Variants in MAPK8 observed in about 807,000 individuals in gnomAD.
MAPK8 encodes JUN N-terminal kinase.
MAPK8 carries 13 observed loss-of-function variants against 52.9 expected under a neutral mutation model. The observed-to-expected ratio is 0.25, with a 90% confidence interval of 0.16 to 0.39. The LOEUF is 0.39. MAPK8 is among the 10% of genes least tolerant of loss of function. MAPK8 has a pLI of 1.00. For missense variants in MAPK8, 300 were observed against 519.2 expected, an observed-to-expected ratio of 0.58 and a Z score of 4.10; for synonymous variants, 191 against 169.8, an observed-to-expected ratio of 1.12 and a Z score of -0.97.
intron 1 of MAPK8, among the ~76,000 whole-genome samples, chr10:48,376,787 A>G (rs778049050): frequency 2.0e-5 from 3 of 152,240 alleles, no homozygotes; most frequent in Non-Finnish European, 2.9e-5. Flanking sequence ...AATTAGTTCA[A>G]CCATTGTGGA....
chr10:48,369,352 G>C (rs1346725050), intron 1 of MAPK8, among the ~76,000 whole-genome samples: 4 of 152,168 alleles, frequency 2.6e-5, no homozygotes, highest in Non-Finnish European at 5.9e-5. Flanking sequence ...GATAGTGTTT[G>C]TGTTTCTGGC....
At chr10:48,410,459 T>C in intron 5 of MAPK8, 1 of 255,350 alleles carries the variant, frequency 3.9e-6, no homozygotes, top group Non-Finnish European at 7.4e-6. Flanking sequence ...GATTTCTCCA[T>C]GTTTACCGTG....
At chr10:48,392,292 A>G (rs1450001011) in intron 1 of MAPK8, among the ~76,000 whole-genome samples, 1 of 152,130 alleles carries the variant, frequency 6.6e-6, no homozygotes, top group Non-Finnish European at 1.5e-5. Flanking sequence ...TGAAAGGAGG[A>G]TGGGAAAATC....
intron 1 of MAPK8, among the ~76,000 whole-genome samples, chr10:48,336,361 G>A (rs1844687322): frequency 6.6e-6 from 1 of 152,066 alleles, no homozygotes; most frequent in African/African-American, 2.4e-5. Flanking sequence ...TATTTATTAA[G>A]GAAATTAAAT....
intron 1 of MAPK8, among the ~76,000 whole-genome samples, chr10:48,375,368 T>C (rs1474543591): frequency 1.3e-5 from 2 of 152,122 alleles, no homozygotes; most frequent in Non-Finnish European, 2.9e-5. Context: ...CTATTCAACA[T>C]AGTATTGGAA....
intron 1 of MAPK8, among the ~76,000 whole-genome samples, chr10:48,386,524 C>T (rs971913671): frequency 2.6e-5 from 4 of 151,976 alleles, no homozygotes; most frequent in Admixed American, 2.6e-4. Context: ...TTGAGCAAGC[C>T]CAGAAGCCAA....
intron 1 of MAPK8, among the ~76,000 whole-genome samples, chr10:48,390,065 C>A (rs1311663740): frequency 6.6e-6 from 1 of 152,106 alleles, no homozygotes; most frequent in African/African-American, 2.4e-5. Context: ...TAGTTTCAGT[C>A]CAAAGGCCAG....
intron 1 of MAPK8, among the ~76,000 whole-genome samples, chr10:48,349,792 C>G (rs1190677555): frequency 6.6e-6 from 1 of 152,052 alleles, no homozygotes; most frequent in African/African-American, 2.4e-5. Context: ...GAAGGAGATA[C>G]AGACACGGAA....
intron 1 of MAPK8, among the ~76,000 whole-genome samples, chr10:48,313,031 CT>C (rs1174322920): frequency 6.6e-6 from 1 of 152,038 alleles, no homozygotes; most frequent in Non-Finnish European, 1.5e-5. Flanking sequence ...AGAATGAAGG[CT>C]TTTTTTGCAG....
intron 1 of MAPK8, among the ~76,000 whole-genome samples, chr10:48,342,622 G>A (rs1337070232): frequency 6.6e-6 from 1 of 152,236 alleles, no homozygotes; most frequent in African/African-American, 2.4e-5. Flanking sequence ...ATGTAGTCGT[G>A]TGAATGGATT....
intron 1 of MAPK8, among the ~76,000 whole-genome samples, chr10:48,323,972 C>A (rs1843231989): frequency 6.6e-6 from 1 of 152,204 alleles, no homozygotes; most frequent in African/African-American, 2.4e-5. Context: ...TACAACTGAA[C>A]ATTTTGGTCA....
At chr10:48,421,928 A>G (rs2043381870) in intron 6 of MAPK8, among the ~76,000 whole-genome samples, 1 of 152,150 alleles carries the variant, frequency 6.6e-6, no homozygotes, top group African/African-American at 2.4e-5. Context: ...ATGCTTAATG[A>G]TTATAACTAC....
chr10:48,420,318 A>G lies in MAPK8; in HGVS notation c.614A>G (p.Asn205Ser). 6.3e-7 allele frequency: 1 copy of G among 1,596,250 alleles called. No homozygotes were observed. Among genetic ancestry groups the G allele is most frequent in the Non-Finnish European group, 8.6e-7 (1 of 1,169,462 alleles). Reference protein sequence around the residue: ...EVILGMGYKENVDLWSVGCIM... With the variant: ...EVILGMGYKESVDLWSVGCIM... ...ATCCTTGGCATGGGCTACAAGGAAA[A>G]CGGTCAGCACACACATTTATTTGAA... is the stretch of plus-strand genomic sequence containing the variant. The change falls in exon 6 of 12, where the codon AAC becomes AGC. Residue 205 changes from asparagine to serine, a missense_variant and splice_region_variant. By Grantham distance (46) the Asn-to-Ser change is conservative. Coordinates refer to ENST00000374189, the MANE Select transcript of MAPK8 (RefSeq NM_001323329.2).
intron 1 of MAPK8, among the ~76,000 whole-genome samples, chr10:48,313,098 G>A (rs1268664572): frequency 2.0e-5 from 3 of 152,138 alleles, no homozygotes; most frequent in African/African-American, 7.2e-5. Flanking sequence ...CTAGTAAGAG[G>A]TTGTAGCCTC....
At chr10:48,387,955 A>G (rs972877126) in intron 1 of MAPK8, among the ~76,000 whole-genome samples, 1 of 152,278 alleles carries the variant, frequency 6.6e-6, no homozygotes, top group South Asian at 2.1e-4. Flanking sequence ...AAGTTCCTCA[A>G]CTCATAAAAG....
At chr10:48,332,574 C>T (rs1371064716) in intron 1 of MAPK8, among the ~76,000 whole-genome samples, 1 of 152,220 alleles carries the variant, frequency 6.6e-6, no homozygotes, top group Non-Finnish European at 1.5e-5. Context: ...GGCCTTAATA[C>T]TACCTTAGGG....
intron 1 of MAPK8, among the ~76,000 whole-genome samples, chr10:48,312,666 A>C (rs1290448196): frequency 1.3e-5 from 2 of 152,228 alleles, no homozygotes; most frequent in Non-Finnish European, 2.9e-5. Context: ...GGGTCAACCA[A>C]AGGTAAGATA....
chr10:48,392,920 G>A (rs1036067312), intron 1 of MAPK8, among the ~76,000 whole-genome samples: 2 of 151,994 alleles, frequency 1.3e-5, no homozygotes, highest in African/African-American at 2.4e-5. Flanking sequence ...TGCTGCGTTC[G>A]CTCTACTCAA....
At chr10:48,311,454 T>C (rs1841977447) in intron 1 of MAPK8, among the ~76,000 whole-genome samples, 1 of 152,218 alleles carries the variant, frequency 6.6e-6, no homozygotes, top group South Asian at 2.1e-4. Context: ...GAAGGGAACA[T>C]ATTTGCCACT....
Sources: gnomAD v4.1 joint callset for allele counts (sites outside exome capture counted in the v4.1 genomes callset) on GRCh38, gnomAD v4.1.1 for gene constraint, MANE v1.5 for transcripts, NCBI Gene and HGNC (gene_info 2026-07-23, HGNC 2026-07-21) for gene names.